The following TRAPPC9 variants were observed in gnomAD, a reference collection of about 807,000 sequenced individuals.
The protein encoded by TRAPPC9 is IKK2 binding protein.
Under a neutral mutation model 124.0 loss-of-function variants are expected in TRAPPC9, and 83 were observed. That is an observed-to-expected ratio of 0.67 (90% CI 0.56 to 0.80). TRAPPC9 has a LOEUF of 0.80. Ranked by LOEUF, TRAPPC9 falls within the 30% of genes least tolerant of loss-of-function variation. The pLI is 0.00. For missense variants in TRAPPC9, 1,302 were observed against 1,508.3 expected, an observed-to-expected ratio of 0.86 and a Z score of 2.27; for synonymous variants, 638 against 617.5, an observed-to-expected ratio of 1.03 and a Z score of -0.49.
At chr8:140,068,626 G>C (rs1842992100) in intron 17 of TRAPPC9, among the ~76,000 whole-genome samples, 1 of 152,196 alleles carries the variant, frequency 6.6e-6, no homozygotes, top group African/African-American at 2.4e-5. Flanking sequence ...AAACAAGAAT[G>C]GATGATCACC....
At chr8:140,372,536 T>C (rs1308352016) in intron 7 of TRAPPC9, among the ~76,000 whole-genome samples, 3 of 152,150 alleles carry the variant, frequency 2.0e-5, no homozygotes, top group Non-Finnish European at 2.9e-5. Context: ...TCAGAGCCCA[T>C]CACCCGAGCC....
At chr8:140,137,098 G>T (rs1002687586) in intron 17 of TRAPPC9, among the ~76,000 whole-genome samples, 1 of 152,142 alleles carries the variant, frequency 6.6e-6, no homozygotes, top group Non-Finnish European at 1.5e-5. Flanking sequence ...CGGGGAGAGG[G>T]GAAAGGAAGG....
At chr8:140,142,442 G>T (rs1401799710) in intron 17 of TRAPPC9, among the ~76,000 whole-genome samples, 1 of 152,206 alleles carries the variant, frequency 6.6e-6, no homozygotes. Flanking sequence ...AGCAGCCCCG[G>T]TGTCCACATG....
At chr8:139,874,216 A>C (rs1321424895) in intron 21 of TRAPPC9, among the ~76,000 whole-genome samples, 1 of 152,274 alleles carries the variant, frequency 6.6e-6, no homozygotes, top group East Asian at 1.9e-4. Flanking sequence ...GTCTCAGTGC[A>C]TCTGGGCACA....
At chr8:140,392,901 C>T (rs2068968985) in intron 7 of TRAPPC9, among the ~76,000 whole-genome samples, 1 of 152,152 alleles carries the variant, frequency 6.6e-6, no homozygotes, top group Non-Finnish European at 1.5e-5. Context: ...ACCAGTGAGC[C>T]GTGAGGCAGA....
chr8:140,108,026 C>T (rs945602501), intron 17 of TRAPPC9, among the ~76,000 whole-genome samples: 18 of 147,120 alleles, frequency 1.2e-4, no homozygotes, highest in African/African-American at 4.3e-4. Context: ...TATGAGGATA[C>T]GTGTGTTTAT....
intron 11 of TRAPPC9, among the ~76,000 whole-genome samples, chr8:140,296,983 G>A (rs1162103921): frequency 6.6e-6 from 1 of 152,270 alleles, no homozygotes; most frequent in South Asian, 2.1e-4. Context: ...GAGGAGCCCT[G>A]AGGGTGGCCT....
chr8:139,833,950 G>C (rs547813869), intron 21 of TRAPPC9, among the ~76,000 whole-genome samples: 1 of 152,204 alleles, frequency 6.6e-6, no homozygotes, highest in South Asian at 2.1e-4. Flanking sequence ...CCTTGGCGGT[G>C]GAGGAAACGC....
intron 21 of TRAPPC9, among the ~76,000 whole-genome samples, chr8:139,786,743 C>T (rs369367006): frequency 3.9e-5 from 6 of 152,088 alleles, no homozygotes; most frequent in African/African-American, 1.4e-4. Context: ...AAAGAGCTAC[C>T]GGGACATGCA....
At chr8:139,814,021 G>A (rs1392174380) in intron 21 of TRAPPC9, among the ~76,000 whole-genome samples, 1 of 152,192 alleles carries the variant, frequency 6.6e-6, no homozygotes, top group Non-Finnish European at 1.5e-5. Flanking sequence ...ATCCAGCTCA[G>A]TCCAGCTGAC....
chr8:140,204,284 T>C (rs1465219285), intron 17 of TRAPPC9, among the ~76,000 whole-genome samples: 1 of 152,052 alleles, frequency 6.6e-6, no homozygotes, highest in Non-Finnish European at 1.5e-5. Flanking sequence ...CATGGAATAC[T>C]ATGCAGCCAT....
chr8:140,384,407 A>C (rs551527240), intron 7 of TRAPPC9, among the ~76,000 whole-genome samples: 1 of 152,332 alleles, frequency 6.6e-6, no homozygotes, highest in African/African-American at 2.4e-5. Flanking sequence ...TGCTGTATTC[A>C]GGAAACCCAT....
chr8:140,026,639 G>A (rs1357069219), intron 17 of TRAPPC9, among the ~76,000 whole-genome samples: 1 of 152,036 alleles, frequency 6.6e-6, no homozygotes, highest in Non-Finnish European at 1.5e-5. Context: ...ATCTTCTTTG[G>A]AGAAATTTCT....
intron 9 of TRAPPC9, among the ~76,000 whole-genome samples, chr8:140,335,384 A>T (rs2067008078): frequency 6.6e-6 from 1 of 152,196 alleles, no homozygotes; most frequent in African/African-American, 2.4e-5. Flanking sequence ...TAGAATGGGC[A>T]TTCCAGGCAA....
intron 21 of TRAPPC9, among the ~76,000 whole-genome samples, chr8:139,803,061 C>T (rs1210452543): frequency 1.3e-5 from 2 of 151,586 alleles, no homozygotes; most frequent in East Asian, 3.9e-4. Context: ...TGTGTGCCGT[C>T]GTGTGACTGT....
chr8:139,990,704 A>G (rs1020483650), intron 18 of TRAPPC9, among the ~76,000 whole-genome samples: 2 of 152,038 alleles, frequency 1.3e-5, no homozygotes, highest in African/African-American at 4.8e-5. Context: ...CTCCTGCCTC[A>G]GCCTCCTGAG....
rs571777543 is a variant in TRAPPC9, at chr8:140,385,191, GCACTAAATGTC to G, written c.1134+12418_1134+12428del. ...AGCAGTGTGTAGAGGGAAATTTATAGCACTAAATGTCCACAAGAGAAAGCAGGAAAGATCTA... is the reference window on the plus strand; with the variant it reads ...AGCAGTGTGTAGAGGGAAATTTATAGCACAAGAGAAAGCAGGAAAGATCTA... On this transcript the variant is annotated intron_variant, in intron 7 of 22. Coordinates refer to ENST00000438773, the MANE Select transcript of TRAPPC9 (RefSeq NM_001160372.4). 7.5e-4 allele frequency among the ~76,000 whole-genome samples: 115 copies of G among 152,320 alleles called. 1 individual carries two copies. The highest frequency in any genetic ancestry group is 2.7e-3 in the African/African-American group (112 of 41,562).
At chr8:139,758,343 G>C (rs1819996261) in intron 21 of TRAPPC9, among the ~76,000 whole-genome samples, 1 of 152,206 alleles carries the variant, frequency 6.6e-6, no homozygotes, top group South Asian at 2.1e-4. Flanking sequence ...TTTCTTACTT[G>C]GTGATGAAGG....
At chr8:139,923,427 C>T (rs957084917) in intron 19 of TRAPPC9, among the ~76,000 whole-genome samples, 7 of 152,210 alleles carry the variant, frequency 4.6e-5, no homozygotes, top group Non-Finnish European at 1.0e-4. Context: ...CGGGCCTCTG[C>T]GGCCGGCATT....
Sources: gnomAD v4.1 joint callset for allele counts (sites outside exome capture counted in the v4.1 genomes callset) on GRCh38, gnomAD v4.1.1 for gene constraint, MANE v1.5 for transcripts, NCBI Gene and HGNC (gene_info 2026-07-23, HGNC 2026-07-21) for gene names.